PAXBP1: variants seen among roughly 807,000 people sequenced by gnomAD.
PAXBP1 encodes the protein PAX3- and PAX7-binding protein 1.
PAXBP1 carries 44 observed loss-of-function variants against 119.9 expected under a neutral mutation model. That is an observed-to-expected ratio of 0.37 (90% CI 0.29 to 0.47). The LOEUF is 0.47. Among genes scored for constraint, PAXBP1 ranks in the 20% least tolerant of loss-of-function variants. PAXBP1 has a pLI of 0.99. For synonymous variants in PAXBP1, 393 were observed against 406.6 expected, an observed-to-expected ratio of 0.97 and a Z score of 0.40; for missense variants, 898 against 1,134.1, an observed-to-expected ratio of 0.79 and a Z score of 2.99.
intron 15 of PAXBP1, 172 bp downstream of exon 15, chr21:32,743,076 T>C (rs755963334): frequency 7.1e-6 from 5 of 702,548 alleles, no homozygotes; most frequent in Middle Eastern, 4.7e-4. Context: ...CCTGTGAAAA[T>C]ATCAAACTTG....
chr21:32,747,401 A>G (rs2043890776), intron 11 of PAXBP1, among the ~76,000 whole-genome samples: 2 of 152,178 alleles, frequency 1.3e-5, no homozygotes, highest in Admixed American at 6.5e-5. Flanking sequence ...AGGCTGACAC[A>G]GCTGGAAACT....
chr21:32,744,767 AAGGC>A, intron 13 of PAXBP1, 21 bp downstream of exon 13: 1 of 1,535,170 alleles, frequency 6.5e-7, no homozygotes. Flanking sequence ...AAAAAAAAAA[AAGGC>A]TTCAAAAGAT....
chr21:32,762,381 A>C (rs1736253750), intron 3 of PAXBP1, 64 bp from the exon 4 acceptor site: 1 of 1,529,834 alleles, frequency 6.5e-7, no homozygotes, highest in African/African-American at 1.4e-5. Context: ...TCTTGAAAAT[A>C]TGAAGGGTAA....
chr21:32,743,173 A>T, intron 15 of PAXBP1, 75 bp downstream of exon 15: 1 of 1,147,972 alleles, frequency 8.7e-7, no homozygotes, highest in East Asian at 2.4e-5. Flanking sequence ...TTAATAAAAA[A>T]CAAAACACTC....
chr21:32,767,779 A>T lies in PAXBP1; in HGVS notation c.472+2035T>A, dbSNP rs537860881. On this transcript the variant is annotated intron_variant, in intron 2 of 17. Coordinates refer to ENST00000331923, the MANE Select transcript of PAXBP1 (RefSeq NM_016631.4). The stretch of plus-strand genomic sequence containing the variant: ...CCACGTGGAACTGTAAGTCCAATTA[A>T]ACCTCTTTTTCTTCCCAGTCTTGGG... Among the ~76,000 whole-genome samples the T allele has an allele frequency of 1.3e-4, 20 of 152,306 alleles. No homozygotes were observed. The South Asian group carries it at 3.9e-3, about 30-fold the overall frequency.
intron 13 of PAXBP1, 28 bp downstream of exon 13, chr21:32,744,764 A>G: frequency 6.5e-7 from 1 of 1,536,578 alleles, no homozygotes; most frequent in Non-Finnish European, 8.7e-7. Context: ...AGGAAAAAAA[A>G]AAAAGGCTTC....
intron 2 of PAXBP1, 25 bp from the exon 3 acceptor site, chr21:32,764,549 T>C (rs369807804): frequency 4.4e-5 from 66 of 1,494,068 alleles, no homozygotes; most frequent in Non-Finnish European, 5.6e-5. Flanking sequence ...AATTAAAATA[T>C]ATGTAAAATA....
chr21:32,756,211 A>G (rs1177705546), intron 7 of PAXBP1: 7 of 493,500 alleles, frequency 1.4e-5, no homozygotes, highest in Non-Finnish European at 2.4e-5. Flanking sequence ...TTATAATCAA[A>G]TGCTATGAGA....
rs1040899210 is a variant in PAXBP1 at position 32,747,787 on chromosome 21, T to G, written c.1923+712A>C. 2.0e-5 allele frequency among the ~76,000 whole-genome samples: 3 copies of G among 151,398 alleles called. No individual in the cohort carries two copies. In the South Asian group the frequency reaches 6.3e-4, roughly 32 times the overall value. On this transcript the variant is annotated intron_variant, in intron 11 of 17. Coordinates refer to ENST00000331923, the MANE Select transcript of PAXBP1 (RefSeq NM_016631.4). ...ATAGGTCCTCTTGATTCCACCTCCT[T>G]ATCTTTTTTTTTTTTTCTTGTGGCA...
chr21:32,752,061 G>T (rs1160141191), intron 8 of PAXBP1: 1 of 152,228 alleles, frequency 6.6e-6, no homozygotes, highest in African/African-American at 2.4e-5. Flanking sequence ...CAGAAAACTT[G>T]CATACTTGTA....
chr21:32,748,805 G>T, intron 10 of PAXBP1, 107 bp from the exon 11 acceptor site: 1 of 940,598 alleles, frequency 1.1e-6, no homozygotes, highest in Non-Finnish European at 1.5e-6. Flanking sequence ...CAGAAGATAC[G>T]CTCATTAACA....
Position 32,737,270 on chromosome 21 carries a change from C to T in PAXBP1, c.2620G>A (p.Glu874Lys), listed in dbSNP as rs1601580161. 6.5e-7 allele frequency: 1 copy of T among 1,531,244 alleles called. No homozygotes were observed. Among genetic ancestry groups the T allele is most frequent in the South Asian group, 1.3e-5 (1 of 79,528 alleles). 94.9% of individuals were successfully genotyped at this position (1,531,244 alleles called of 1,614,324 possible). The change falls in exon 17 of 18, where the codon GAA (glutamate) becomes AAA (lysine). Residue 874 changes from glutamate to lysine, a missense_variant. This residue lies in a region of PAXBP1 where 599 missense variants were observed against 852.7 expected (regional missense o/e 0.70). Transcript: ENST00000331923. Reference protein sequence around the residue: ...YRNSIGCSDVEKRNARENIKQ... With the variant: ...YRNSIGCSDVKKRNARENIKQ... ...CAAAATTACCTTGCATTTCTTTTTT[C>T]CACATCAGAACACCCGATACTATTT...
chr21:32,743,198 T>C (rs974763751), intron 15 of PAXBP1, 50 bp downstream of exon 15: 2 of 1,350,868 alleles, frequency 1.5e-6, no homozygotes, highest in Non-Finnish European at 2.1e-6. Flanking sequence ...AAATGTAATA[T>C]ATGAAGTCAA....
At chr21:32,744,412 T>G (rs1232913608) in intron 13 of PAXBP1, among the ~76,000 whole-genome samples, 1 of 152,106 alleles carries the variant, frequency 6.6e-6, no homozygotes, top group African/African-American at 2.4e-5. Context: ...AAGCTTAAAT[T>G]ATCAATTGTT....
chr21:32,752,553 G>C (rs2043972858), intron 8 of PAXBP1, among the ~76,000 whole-genome samples: 1 of 152,184 alleles, frequency 6.6e-6, no homozygotes, highest in South Asian at 2.1e-4. Context: ...CAACAGAGAT[G>C]TGTCACCAAA....
At chr21:32,756,589 A>G (rs1158755227) in intron 7 of PAXBP1, 1 of 252,998 alleles carries the variant, frequency 4.0e-6, no homozygotes, top group Non-Finnish European at 7.7e-6. Context: ...CTCTATCATT[A>G]AAATTTATTA....
At chr21:32,741,520 C>T (rs2093140512) in intron 15 of PAXBP1, 3 of 778,028 alleles carry the variant, frequency 3.9e-6, no homozygotes, top group Non-Finnish European at 7.2e-6. Context: ...CAAGAGAAGA[C>T]AACACAAGGC....
At chr21:32,739,849 A>G (rs1272441827) in intron 15 of PAXBP1, among the ~76,000 whole-genome samples, 1 of 149,420 alleles carries the variant, frequency 6.7e-6, no homozygotes, top group East Asian at 2.0e-4. Context: ...TTATACCTGT[A>G]ATCCCAGTAC....
intron 15 of PAXBP1, among the ~76,000 whole-genome samples, chr21:32,739,938 TAAAAAAAA>T (rs756477858): frequency 1.5e-4 from 7 of 47,006 alleles, no homozygotes; most frequent in African/African-American, 4.6e-4. Flanking sequence ...CTCGTCTCTT[TAAAAAAAA>T]AAAAAAAAAA....
Sources: gnomAD v4.1 joint callset for allele counts (sites outside exome capture counted in the v4.1 genomes callset) on GRCh38, gnomAD v4.1.1 for gene constraint, gnomAD v4.1.1 regional missense constraint, MANE v1.5 for transcripts, NCBI Gene and HGNC (gene_info 2026-07-23, HGNC 2026-07-21) for gene names.